TNRC6B: variants seen among roughly 807,000 people sequenced by gnomAD.
The protein encoded by TNRC6B is trinucleotide repeat containing adaptor 6B.
A neutral mutation model predicts 203.6 loss-of-function variants in TNRC6B; 52 were observed. The ratio of observed to expected loss-of-function variants is 0.26; its 90% CI spans 0.20 to 0.32. The LOEUF is 0.32. Among genes scored for constraint, TNRC6B ranks in the 10% least tolerant of loss-of-function variants. The pLI is 1.00. For synonymous variants in TNRC6B, 838 were observed against 845.7 expected, an observed-to-expected ratio of 0.99 and a Z score of 0.16; for missense variants, 1,923 against 2,286.2, an observed-to-expected ratio of 0.84 and a Z score of 3.24.
intron 1 of TNRC6B, among the ~76,000 whole-genome samples, chr22:40,080,430 CTG>C (rs1036681449): frequency 1.9e-4 from 29 of 152,154 alleles, no homozygotes; most frequent in African/African-American, 6.3e-4. Flanking sequence ...GTTTTAGTAA[CTG>C]TGGCTTTGAA....
At chr22:40,071,891 T>A (rs1190573093) in intron 1 of TNRC6B, among the ~76,000 whole-genome samples, 1 of 152,218 alleles carries the variant, frequency 6.6e-6, no homozygotes, top group Admixed American at 6.5e-5. Flanking sequence ...CGGATCTTGC[T>A]CCATCGCCCA....
intron 1 of TNRC6B, among the ~76,000 whole-genome samples, chr22:40,227,626 C>T (rs1489330698): frequency 6.6e-6 from 1 of 152,090 alleles, no homozygotes; most frequent in Non-Finnish European, 1.5e-5. Flanking sequence ...GTTGGGATTA[C>T]AGGTGTGAGC....
At chr22:40,096,025 A>G (rs769654076) in intron 1 of TNRC6B, among the ~76,000 whole-genome samples, 4 of 152,050 alleles carry the variant, frequency 2.6e-5, no homozygotes, top group African/African-American at 4.8e-5. Context: ...CGCAGCCCCA[A>G]ATCCTTGTGT....
intron 4 of TNRC6B, among the ~76,000 whole-genome samples, chr22:40,156,719 C>T (rs1315567595): frequency 6.6e-6 from 1 of 150,808 alleles, no homozygotes; most frequent in Non-Finnish European, 1.5e-5. Flanking sequence ...CAGGATCTCT[C>T]CCCTAACTCC....
At chr22:40,234,243 A>AC (rs1247599906) in intron 1 of TNRC6B, among the ~76,000 whole-genome samples, 1 of 152,214 alleles carries the variant, frequency 6.6e-6, no homozygotes, top group African/African-American at 2.4e-5. Context: ...CCATGATCAC[A>AC]CCATTGCATT....
At chr22:40,183,776 C>T (rs1459282999) in intron 1 of TNRC6B, among the ~76,000 whole-genome samples, 4 of 151,908 alleles carry the variant, frequency 2.6e-5, no homozygotes, top group Non-Finnish European at 5.9e-5. Flanking sequence ...CTCACTGCAA[C>T]CTCCGCCTCC....
Position 40,088,095 on chromosome 22 carries a change from C to A in TNRC6B, c.-120-28960C>A, listed in dbSNP as rs574507144. Among the ~76,000 whole-genome samples, 9 of 152,320 alleles carry A rather than the reference C, an allele frequency of 5.9e-5. No individual in the cohort carries two copies. The East Asian group carries it at 1.7e-3, about 29-fold the overall frequency. ...AACGGAATTATTTTTGGCTAATCTT[C>A]AGAAACCTTCACTCCAAGGATGAAC... On this transcript the variant is annotated intron_variant, in intron 1 of 23. Transcript: ENST00000301923.
At chr22:40,182,600 G>A (rs2069148501) in intron 1 of TNRC6B, among the ~76,000 whole-genome samples, 1 of 152,200 alleles carries the variant, frequency 6.6e-6, no homozygotes, top group African/African-American at 2.4e-5. Flanking sequence ...TGTAGGTGCT[G>A]GGGCATCTAA....
At chr22:40,319,452 C>CT (rs2071306234) in intron 21 of TNRC6B, among the ~76,000 whole-genome samples, 1 of 128,946 alleles carries the variant, frequency 7.8e-6, no homozygotes, top group Non-Finnish European at 1.6e-5. Context: ...GAGACAGAGT[C>CT]TTGTTCTGTC....
intron 6 of TNRC6B, among the ~76,000 whole-genome samples, 170 bp from the exon 7 acceptor site, chr22:40,273,255 G>C (rs976703026): frequency 6.6e-6 from 1 of 152,152 alleles, no homozygotes; most frequent in Non-Finnish European, 1.5e-5. Flanking sequence ...GAAGCTTTAT[G>C]GATTTTAGTT....
chr22:40,270,953 T>C (rs2070554518), intron 6 of TNRC6B, among the ~76,000 whole-genome samples: 1 of 152,244 alleles, frequency 6.6e-6, no homozygotes, highest in Non-Finnish European at 1.5e-5. Flanking sequence ...GCTTTTAATG[T>C]GGAACACGAT....
intron 5 of TNRC6B, among the ~76,000 whole-genome samples, chr22:40,269,148 T>G: frequency 7.4e-6 from 1 of 134,506 alleles, no homozygotes; most frequent in East Asian, 2.2e-4. Flanking sequence ...TTTTTTTTTT[T>G]TTTTTGAGAG....
At chr22:40,139,034 C>T (rs777465702) in intron 3 of TNRC6B, among the ~76,000 whole-genome samples, 2 of 152,248 alleles carry the variant, frequency 1.3e-5, no homozygotes, top group Middle Eastern at 6.8e-3. Flanking sequence ...ACCATCACTG[C>T]CATCTAATTT....
chr22:40,266,824 C>T lies in TNRC6B; in HGVS notation c.2594C>T (p.Ala865Val), dbSNP rs750465776. Residue 865 changes from alanine to valine, a missense_variant, in exon 5 of 23, where the codon GCA (alanine) becomes GTA (valine). Coordinates refer to ENST00000454349, the MANE Select transcript of TNRC6B (RefSeq NM_001162501.2). Reference protein sequence around the residue: ...NSSWSSGPQPATPKDEEPSGW... With the variant: ...NSSWSSGPQPVTPKDEEPSGW... ...AGCTGGAGCAGCGGGCCACAGCCTG[C>T]AACACCTAAGGATGAGGAACCCAGT... 6.2e-7 allele frequency: 1 copy of T among 1,613,894 alleles called. No homozygotes were observed. Among genetic ancestry groups the T allele is most frequent in the Non-Finnish European group, 8.5e-7 (1 of 1,179,822 alleles).
At chr22:40,232,744 G>C (rs2146452188) in intron 1 of TNRC6B, among the ~76,000 whole-genome samples, 1 of 152,346 alleles carries the variant, frequency 6.6e-6, no homozygotes, top group South Asian at 2.1e-4. Flanking sequence ...TGGGTGCAGT[G>C]GTGCACGCCT....
intron 1 of TNRC6B, among the ~76,000 whole-genome samples, chr22:40,183,023 C>T (rs2069154652): frequency 6.6e-6 from 1 of 151,708 alleles, no homozygotes; most frequent in Non-Finnish European, 1.5e-5. Context: ...TTCCTGAAAG[C>T]AGAGACCTTA....
At chr22:40,310,747 C>G in intron 16 of TNRC6B, 70 bp from the exon 17 acceptor site, 5 of 1,445,598 alleles carry the variant, frequency 3.5e-6, no homozygotes, top group Non-Finnish European at 3.7e-6. Flanking sequence ...TGCATTCCAG[C>G]GAATAAAAAA....
intron 1 of TNRC6B, among the ~76,000 whole-genome samples, chr22:40,060,954 A>G (rs1282330970): frequency 1.3e-5 from 2 of 152,174 alleles, no homozygotes; most frequent in African/African-American, 2.4e-5. Flanking sequence ...TAGACACAGT[A>G]AACCACCCTT....
At chr22:40,268,709 A>C (rs1428946407) in intron 5 of TNRC6B, among the ~76,000 whole-genome samples, 2 of 151,912 alleles carry the variant, frequency 1.3e-5, no homozygotes, top group East Asian at 1.9e-4. Context: ...CAGGAGATCG[A>C]GACCATCTTG....
Sources: gnomAD v4.1 joint callset for allele counts (sites outside exome capture counted in the v4.1 genomes callset) on GRCh38, gnomAD v4.1.1 for gene constraint, MANE v1.5 for transcripts, NCBI Gene and HGNC (gene_info 2026-07-23, HGNC 2026-07-21) for gene names.